The following NPPA variants were observed in gnomAD, a reference collection of about 807,000 sequenced individuals.
NPPA encodes the protein natriuretic peptides A.
A neutral mutation model predicts 12.2 loss-of-function variants in NPPA; 10 were observed. The observed-to-expected ratio is 0.82, with a 90% CI of 0.50 to 1.38. The LOEUF (loss-of-function observed/expected upper bound fraction) is 1.38, where lower values mean the gene tolerates loss of function less well. NPPA is among the 40% of genes most tolerant of loss of function. The pLI, the probability that NPPA is intolerant of heterozygous loss-of-function variation, is 0.00. For synonymous variants in NPPA, 85 were observed against 80.2 expected (o/e 1.06, Z -0.32); for missense variants, 207 against 193.5 (o/e 1.07, Z -0.41).
rs1553122981 is a variant in NPPA at position 11,846,921 on chromosome 1, C to CT, written c.450+191dup. On this transcript the variant is annotated intron_variant, in intron 2 of 2. Coordinates refer to ENST00000376480, the MANE Select transcript of NPPA (RefSeq NM_006172.4). ...GAGCCACTGTGCCCAGCCCCCCCCC[C>CT]TTTTTTTTTTAAGCATTTTCTCAGC... is the stretch of plus-strand genomic sequence containing the variant. Among the ~76,000 whole-genome samples the CT allele has an allele frequency of 0.15, 18,503 of 125,020 alleles. 1,459 individuals are homozygous for CT. The highest frequency in any genetic ancestry group is 0.41 in the East Asian group (1,818 of 4,452). The allele number at this position is 125,020 out of a possible 152,430, so 82.0% of individuals were successfully genotyped here.
chr1:11,847,404 T>C lies in NPPA; in HGVS notation c.159A>G (p.Leu53=), dbSNP rs769357518. ...LLDHLEEKMP[L]EDEVVPPQVL... The stretch of plus-strand genomic sequence containing the variant: ...CTTGTGGGGGCACGACCTCATCTTC[T>C]AAAGGCATCTTTTCTTCCAAATGGT... The change falls in exon 2 of 3, where the codon TTA becomes TTG. Residue 53 remains leucine (L), a synonymous_variant. Transcript: ENST00000376480. 6.2e-7 allele frequency: 1 copy of C among 1,614,090 alleles called. No individual in the cohort carries two copies. Among genetic ancestry groups the C allele is most frequent in the Non-Finnish European group, 8.5e-7 (1 of 1,180,026 alleles).
chr1:11,846,456 A>G (rs1645069101), intron 2 of NPPA, among the ~76,000 whole-genome samples: 1 of 150,452 alleles, frequency 6.6e-6, no homozygotes, highest in South Asian at 2.1e-4. Context: ...AGTAGCTAGG[A>G]CTTACAGGCG....
Position 11,845,962 on chromosome 1 carries a change from A to G in NPPA, c.*47T>C. 6.3e-6 allele frequency: 10 copies of G among 1,597,704 alleles called. No individual in the cohort carries two copies. The South Asian group carries it at 1.1e-4, about 18-fold the overall frequency. On this transcript the variant is annotated 3_prime_UTR_variant, in exon 3 of 3. Coordinates refer to ENST00000376480, the MANE Select transcript of NPPA (RefSeq NM_006172.4). ...ACCCCAGGGGACAGGAGCCTCTTGC[A>G]GTCTGTCCCTAGGCCCAGCCCTGCT...
rs1645065432 is a variant in NPPA at position 11,845,955 on chromosome 1, C to A, written c.*54G>T. On this transcript the variant is annotated 3_prime_UTR_variant, in exon 3 of 3. Coordinates refer to ENST00000376480, the MANE Select transcript of NPPA (RefSeq NM_006172.4). ...AGCAGAGACCCCAGGGGACAGGAGC[C>A]TCTTGCAGTCTGTCCCTAGGCCCAG... 1 of 1,590,836 alleles carries A rather than the reference C, an allele frequency of 6.3e-7. No individual in the cohort carries two copies.
At position 11,845,995 on chromosome 1, in the gene NPPA, C is replaced by T. The variant is rs764126076; in HGVS notation, c.*14G>A. 6.2e-7 allele frequency: 1 copy of T among 1,614,040 alleles called. No homozygotes were observed. The highest frequency in any genetic ancestry group is 2.2e-5 in the East Asian group (1 of 44,878). The stretch of plus-strand genomic sequence containing the variant: ...CCTAGGCCCAGCCCTGCTTGTCCTC[C>T]CTGGCTGTTATCTTCAGTACTGCAA... On this transcript the variant is annotated 3_prime_UTR_variant, in exon 3 of 3. Transcript: ENST00000376480.
chr1:11,847,509 A>C (rs1445904477), intron 1 of NPPA, 53 bp downstream of exon 1: 2 of 1,614,022 alleles, frequency 1.2e-6, no homozygotes, highest in Non-Finnish European at 1.7e-6. Flanking sequence ...AGGAGTGAGC[A>C]CAGCATCAGA....
chr1:11,846,053 G>A, intron 2 of NPPA, 39 bp from the exon 3 acceptor site: 2 of 1,612,914 alleles, frequency 1.2e-6, no homozygotes, highest in Non-Finnish European at 1.7e-6. Context: ...TTGGTGACCT[G>A]GCTGTCCTGG....
rs760300711 is a variant in NPPA at position 11,847,660 on chromosome 1, CGGT to C, written c.22_24del (p.Thr8del). The C allele has an allele frequency of 2.0e-5, 33 of 1,614,022 alleles. No individual in the cohort carries two copies. The African/African-American group carries it at 4.0e-4, about 20-fold the overall frequency. On this transcript the variant is annotated inframe_deletion, in exon 1 of 3. Coordinates refer to ENST00000376480, the MANE Select transcript of NPPA (RefSeq NM_006172.4). The stretch of plus-strand genomic sequence containing the variant: ...AATGCCAGTAAAAGGAGGAAGCTCA[CGGT>C]GGTGGTGGAGAAGGAGCTCATGCTG...
At chr1:11,846,679 G>A (rs1369517308) in intron 2 of NPPA, among the ~76,000 whole-genome samples, 1 of 139,668 alleles carries the variant, frequency 7.2e-6, no homozygotes, top group African/African-American at 2.7e-5. Context: ...GCAGTGGCGT[G>A]ATCTCTGCTC....
At position 11,845,940 on chromosome 1, in the gene NPPA, C is replaced by A. The variant is rs1289832376; in HGVS notation, c.*69G>T. 3 of 1,519,586 alleles carry A rather than the reference C, an allele frequency of 2.0e-6. No individual in the cohort carries two copies. Among genetic ancestry groups the A allele is most frequent in the Non-Finnish European group, 1.8e-6 (2 of 1,093,972 alleles). 94.1% of individuals were successfully genotyped at this position (1,519,586 alleles called of 1,614,324 possible). On this transcript the variant is annotated 3_prime_UTR_variant, in exon 3 of 3. Transcript: ENST00000376480. Reference sequence around the variant, plus strand: ...AGATGACACAAATGCAGCAGAGACCCCAGGGGACAGGAGCCTCTTGCAGTC... The same window carrying A: ...AGATGACACAAATGCAGCAGAGACCACAGGGGACAGGAGCCTCTTGCAGTC...
intron 2 of NPPA, 131 bp from the exon 3 acceptor site, chr1:11,846,145 C>G (rs1298490286): frequency 2.4e-6 from 2 of 846,764 alleles, no homozygotes; most frequent in East Asian, 2.4e-5. Context: ...CCCACCCCAG[C>G]CTGATGACCC....
rs142653342 is a variant in NPPA at position 11,847,662 on chromosome 1, G to A, written c.23C>T (p.Thr8Ile). Residue 8 changes from threonine to isoleucine, a missense_variant, in exon 1 of 3, where the codon ACC becomes ATC. Physicochemically the swap from Thr to Ile is moderately conservative, Grantham distance 89. Transcript: ENST00000376480. ...TGCCAGTAAAAGGAGGAAGCTCACG[G>A]TGGTGGTGGAGAAGGAGCTCATGCT... MSSFSTT[T>I]VSFLLLLAFQ... The A allele has an allele frequency of 1.9e-5, 30 of 1,613,996 alleles. No homozygotes were observed. The African/African-American group carries it at 2.8e-4, about 15-fold the overall frequency.
intron 2 of NPPA, among the ~76,000 whole-genome samples, 192 bp downstream of exon 2, chr1:11,846,921 C>CG (rs761954482): frequency 8.0e-6 from 1 of 125,650 alleles, no homozygotes; most frequent in East Asian, 2.2e-4. Flanking sequence ...GCCCCCCCCC[C>CG]TTTTTTTTTT....
intron 2 of NPPA, among the ~76,000 whole-genome samples, chr1:11,846,708 T>C (rs774048087): frequency 2.7e-5 from 4 of 150,170 alleles, no homozygotes; most frequent in Non-Finnish European, 4.4e-5. Context: ...CTCTGCCTCC[T>C]GGGTTCAAGT....
In NPPA at chr1:11,847,282, C is replaced by A. The variant is rs764899433; in HGVS notation, c.281G>T (p.Gly94Val). 6 of 1,613,680 alleles carry A rather than the reference C, an allele frequency of 3.7e-6. No homozygotes were observed. In the Admixed American group the frequency reaches 1.0e-4, roughly 27 times the overall value. ...CCAGGGGCCCCGCCCGAGGGCACCT[C>A]CATCTCTCTGGGCTGGGCTGACTTC... ...TGEVSPAQRD[G>V]GALGRGPWDS... The change falls in exon 2 of 3, where the codon GGA (glycine) becomes GTA (valine). Residue 94 changes from glycine to valine, a missense_variant. Physicochemically the swap from Gly to Val is moderately radical, Grantham distance 109 (BLOSUM62 -3). Coordinates refer to ENST00000376480, the MANE Select transcript of NPPA (RefSeq NM_006172.4).
intron 2 of NPPA, among the ~76,000 whole-genome samples, 192 bp downstream of exon 2, chr1:11,846,921 C>CTT (rs1553122981): frequency 4.0e-5 from 5 of 125,648 alleles, no homozygotes; most frequent in Non-Finnish European, 3.4e-5. Context: ...GCCCCCCCCC[C>CTT]TTTTTTTTTT....
At position 11,845,882 on chromosome 1, in the gene NPPA, C is replaced by G. The variant is rs1645064840; in HGVS notation, c.*127G>C. 2 of 940,552 alleles carry G rather than the reference C, an allele frequency of 2.1e-6. No homozygotes were observed. Among genetic ancestry groups the G allele is most frequent in the Non-Finnish European group, 3.5e-6 (2 of 566,932 alleles). 58.3% of individuals were successfully genotyped at this position (940,552 alleles called of 1,614,324 possible). On this transcript the variant is annotated 3_prime_UTR_variant, in exon 3 of 3. Transcript: ENST00000376480. ...GAGAAGTGTTGACAGGAAGCTGCAG[C>G]TTAGATGGGATGATCACAACTCCAT...
In NPPA at chr1:11,847,209, C is replaced by T; in HGVS notation, c.354G>A (p.Leu118=). 6.2e-7 allele frequency: 1 copy of T among 1,610,832 alleles called. No individual in the cohort carries two copies. Among genetic ancestry groups the T allele is most frequent in the African/African-American group, 1.3e-5 (1 of 74,944 alleles). The change falls in exon 2 of 3, where the codon CTG becomes CTA. Residue 118 remains leucine, a synonymous_variant. Transcript: ENST00000376480. ...TCCGCAGGCTCCGAGGGGCAGTGAG[C>T]AGCGCCCTCAGCTTGCTTTTTAGGA... is the stretch of plus-strand genomic sequence containing the variant. ...SALLKSKLRA[L]LTAPRSLRRS...
At chr1:11,846,461 C>G (rs1030668304) in intron 2 of NPPA, among the ~76,000 whole-genome samples, 1 of 151,154 alleles carries the variant, frequency 6.6e-6, no homozygotes, top group Non-Finnish European at 1.5e-5. Flanking sequence ...CTAGGACTTA[C>G]AGGCGCCTGC....
Sources: gnomAD v4.1 joint callset for allele counts (sites outside exome capture counted in the v4.1 genomes callset) on GRCh38, gnomAD v4.1.1 for gene constraint, MANE v1.5 for transcripts, NCBI Gene and HGNC (gene_info 2026-07-23, HGNC 2026-07-21) for gene names.